Variants in KIRREL1 observed in about 807,000 individuals in gnomAD.
KIRREL1 encodes the protein kin of IRRE-like protein 1.
KIRREL1 carries 25 observed loss-of-function variants against 83.3 expected under a neutral mutation model. The observed-to-expected ratio is 0.30, with a 90% CI of 0.22 to 0.42. The LOEUF (loss-of-function observed/expected upper bound fraction) is 0.42. KIRREL1 is among the 10% of genes least tolerant of loss of function. KIRREL1 has a pLI of 1.00. For missense variants in KIRREL1, 812 were observed against 1,032.3 expected, an observed-to-expected ratio of 0.79 and a Z score of 2.92; for synonymous variants, 388 against 410.4, an observed-to-expected ratio of 0.95 and a Z score of 0.66.
chr1:158,034,603 T>C (rs1660425352), intron 1 of KIRREL1, among the ~76,000 whole-genome samples: 1 of 152,254 alleles, frequency 6.6e-6, no homozygotes, highest in East Asian at 1.9e-4. Flanking sequence ...TTAAGAAAGA[T>C]ATGAAACTGA....
intron 1 of KIRREL1, among the ~76,000 whole-genome samples, chr1:158,020,621 A>AAAAAAAAAC (rs1659979820): frequency 6.6e-6 from 1 of 151,094 alleles, no homozygotes; most frequent in Non-Finnish European, 1.5e-5. Flanking sequence ...AAAAAAAAAA[A>AAAAAAAAAC]AGCCGTTGAG....
At chr1:157,996,005 C>T (rs994758331) in intron 1 of KIRREL1, among the ~76,000 whole-genome samples, 2 of 145,134 alleles carry the variant, frequency 1.4e-5, no homozygotes, top group African/African-American at 5.2e-5. Context: ...GAAAGGAGCT[C>T]TAGGTCAGGG....
intron 1 of KIRREL1, among the ~76,000 whole-genome samples, chr1:158,071,362 G>C (rs1475097676): frequency 6.6e-6 from 1 of 151,896 alleles, no homozygotes; most frequent in African/African-American, 2.4e-5. Flanking sequence ...GTGCGTGTGA[G>C]TATGTGTGAG....
intron 1 of KIRREL1, among the ~76,000 whole-genome samples, chr1:158,027,459 G>T (rs1660205771): frequency 6.6e-6 from 1 of 152,168 alleles, no homozygotes; most frequent in African/African-American, 2.4e-5. Context: ...TTAACCTTCA[G>T]CCCCTCTTCC....
chr1:158,092,453 G>A (rs780687646), intron 11 of KIRREL1, among the ~76,000 whole-genome samples: 5 of 148,328 alleles, frequency 3.4e-5, no homozygotes, highest in Non-Finnish European at 7.4e-5. Flanking sequence ...GTTCAAATGA[G>A]TCTCCTACCT....
rs560914946 is a variant in KIRREL1, at chr1:158,066,084, G to A, written c.53-10029G>A. Among the ~76,000 whole-genome samples, 5 of 151,566 alleles carry A rather than the reference G, an allele frequency of 3.3e-5. No homozygotes were observed. The South Asian group carries it at 6.3e-4, about 19-fold the overall frequency. On this transcript the variant is annotated intron_variant, in intron 1 of 14. Coordinates refer to ENST00000359209, the MANE Select transcript of KIRREL1 (RefSeq NM_018240.7). ...AGCCTCTTCTTGCCCCACCATCAGT[G>A]CAGGAAGAGTAGGCTTTGGGATGTG... is the stretch of plus-strand genomic sequence containing the variant.
intron 1 of KIRREL1, among the ~76,000 whole-genome samples, chr1:158,065,139 T>C (rs1018927981): frequency 8.5e-5 from 13 of 152,132 alleles, no homozygotes; most frequent in Admixed American, 8.5e-4. Flanking sequence ...CTCCTCACTG[T>C]TGCCCAGCTC....
chr1:158,050,761 ACTTCATCTCT>A (rs1660890925), intron 1 of KIRREL1, among the ~76,000 whole-genome samples: 3 of 152,150 alleles, frequency 2.0e-5, no homozygotes, highest in Non-Finnish European at 4.4e-5. Flanking sequence ...CAGGAGATTC[ACTTCATCTCT>A]CTGGGCCTCA....
chr1:158,093,393 T>C lies in KIRREL1; in HGVS notation c.1526T>C (p.Leu509Pro). Residue 509 changes from leucine to proline, a missense_variant, in exon 12 of 15, where the codon CTC becomes CCC. Leu to Pro is a moderately conservative substitution (Grantham distance 98). This residue lies in a region of KIRREL1 where 334 missense variants were observed against 383.7 expected (regional missense o/e 0.87). Transcript: ENST00000359209. ...AGATIGASIL[L>P]IFFFIALVFF... Reference sequence around the variant, plus strand: ...GCCACCATCGGCGCGAGCATCCTGCTCATCTTCTTCTTCATCGCCTTGGTA... The same window carrying C: ...GCCACCATCGGCGCGAGCATCCTGCCCATCTTCTTCTTCATCGCCTTGGTA... 1 of 1,614,230 alleles carries C rather than the reference T, an allele frequency of 6.2e-7. No individual in the cohort carries two copies. Among genetic ancestry groups the C allele is most frequent in the Non-Finnish European group, 8.5e-7 (1 of 1,180,040 alleles).
At chr1:158,048,405 C>T (rs962033661) in intron 1 of KIRREL1, among the ~76,000 whole-genome samples, 3 of 152,150 alleles carry the variant, frequency 2.0e-5, no homozygotes, top group African/African-American at 7.2e-5. Flanking sequence ...CTGCTGTGCT[C>T]CACTGCTTCC....
In KIRREL1 at chr1:158,084,552, G is replaced by T. The variant is rs760822260; in HGVS notation, c.483G>T (p.Thr161=). ...CCATCATCTGGTTCCGGGACGGGAC[G>T]CAGCAGGAGGGCGCTGTGGCCAGCA... is the stretch of plus-strand genomic sequence containing the variant. ...AATIIWFRDG[T]QQEGAVASTE... is the part of the protein sequence containing the mutation. Residue 161 remains threonine, a synonymous_variant, in exon 4 of 15, where the codon ACG becomes ACT. Coordinates refer to ENST00000359209, the MANE Select transcript of KIRREL1 (RefSeq NM_018240.7). The T allele has an allele frequency of 1.4e-5, 22 of 1,551,626 alleles. No homozygotes were observed. Among genetic ancestry groups the T allele is most frequent in the Non-Finnish European group, 1.9e-5 (22 of 1,147,004 alleles).
chr1:158,094,668 G>A lies in KIRREL1; in HGVS notation c.1822G>A (p.Val608Met). The change falls in exon 15 of 15, where the codon GTG (valine) becomes ATG (methionine). Residue 608 changes from valine to methionine, a missense_variant. Physicochemically the swap from Val to Met is conservative, Grantham distance 21 (BLOSUM62 1). Coordinates refer to ENST00000359209, the MANE Select transcript of KIRREL1 (RefSeq NM_018240.7). This position sits in a 1 kb window ranked among gnomAD's most constrained non-coding sequence, Gnocchi z 4.6. Reference sequence around the variant, plus strand: ...GGACCCCACCAATGGCTACTACAACGTGCGTGCCCATGAAGACCGCCCGTC... The same window carrying A: ...GGACCCCACCAATGGCTACTACAACATGCGTGCCCATGAAGACCGCCCGTC... ...MKDPTNGYYNVRAHEDRPSSR... is the reference protein window; with the variant it reads ...MKDPTNGYYNMRAHEDRPSSR... 3 of 1,605,976 alleles carry A rather than the reference G, an allele frequency of 1.9e-6. No individual in the cohort carries two copies. The highest frequency in any genetic ancestry group is 1.7e-6 in the Non-Finnish European group (2 of 1,178,448).
At chr1:158,013,560 C>T (rs565726533) in intron 1 of KIRREL1, among the ~76,000 whole-genome samples, 16 of 152,336 alleles carry the variant, frequency 1.1e-4, no homozygotes, top group East Asian at 1.9e-4. Flanking sequence ...CCTAGGGCAT[C>T]GTAGAGTACA....
intron 1 of KIRREL1, among the ~76,000 whole-genome samples, chr1:158,049,520 C>T (rs919294203): frequency 7.9e-5 from 12 of 152,066 alleles, no homozygotes; most frequent in Non-Finnish European, 1.2e-4. Flanking sequence ...AGGGTCTAAC[C>T]GAATTTGAAC....
chr1:158,062,887 C>G lies in KIRREL1; in HGVS notation c.53-13226C>G, dbSNP rs1202542786. ...ACCTCTTTCTTTGTCTATGTCCATT[C>G]TCTCCATAGCCCAGAAGTTTCTGGA... is the stretch of plus-strand genomic sequence containing the variant. On this transcript the variant is annotated intron_variant, in intron 1 of 14. Coordinates refer to ENST00000359209, the MANE Select transcript of KIRREL1 (RefSeq NM_018240.7). Among the ~76,000 whole-genome samples the G allele has an allele frequency of 2.0e-5, 3 of 152,234 alleles. No homozygotes were observed. The East Asian group carries it at 5.8e-4, about 29-fold the overall frequency.
At chr1:158,088,678 G>T (rs1452488353) in intron 8 of KIRREL1, among the ~76,000 whole-genome samples, 5 of 151,326 alleles carry the variant, frequency 3.3e-5, no homozygotes, top group Admixed American at 1.3e-4. Flanking sequence ...TAGAGACGGG[G>T]TTTCACCTTG....
At chr1:158,009,086 G>T (rs1217917373) in intron 1 of KIRREL1, among the ~76,000 whole-genome samples, 1 of 152,148 alleles carries the variant, frequency 6.6e-6, no homozygotes, top group Admixed American at 6.5e-5. Flanking sequence ...ACCTTTGCCC[G>T]TGAGTTGGAC....
intron 1 of KIRREL1, among the ~76,000 whole-genome samples, chr1:158,006,956 G>A (rs1454719140): frequency 6.6e-6 from 1 of 152,234 alleles, no homozygotes; most frequent in Non-Finnish European, 1.5e-5. Flanking sequence ...TTGCCAGGGT[G>A]GATCCCAAGA....
chr1:158,002,324 C>T (rs1659384708), intron 1 of KIRREL1, among the ~76,000 whole-genome samples: 1 of 152,192 alleles, frequency 6.6e-6, no homozygotes, highest in African/African-American at 2.4e-5. Context: ...TCAAGGGGAG[C>T]CATCTGGTTC....
Sources: gnomAD v4.1 joint callset for allele counts (sites outside exome capture counted in the v4.1 genomes callset) on GRCh38, gnomAD v4.1.1 for gene constraint, gnomAD v4.1.1 regional missense constraint, Gnocchi (gnomAD v3.1) non-coding constraint, MANE v1.5 for transcripts, NCBI Gene and HGNC (gene_info 2026-07-23, HGNC 2026-07-21) for gene names.